MLF1: variants seen among roughly 807,000 people sequenced by gnomAD.
MLF1 encodes the protein myelodysplasia-myeloid leukemia factor 1.
MLF1 carries 37 observed loss-of-function variants against 38.3 expected under a neutral mutation model. That is an observed-to-expected ratio of 0.96 (90% confidence interval 0.74 to 1.27). The LOEUF (loss-of-function observed/expected upper bound fraction) is 1.27, where lower values mean the gene tolerates loss of function less well. MLF1 is among the 50% of genes most tolerant of loss of function. MLF1 has a pLI of 0.00. For missense variants in MLF1, 331 were observed against 349.2 expected, an observed-to-expected ratio of 0.95 and a Z score of 0.42; for synonymous variants, 95 against 106.5, an observed-to-expected ratio of 0.89 and a Z score of 0.66.
At chr3:158,596,605 A>G (rs767870054) in intron 3 of MLF1, among the ~76,000 whole-genome samples, 31 of 152,190 alleles carry the variant, frequency 2.0e-4, no homozygotes, top group Non-Finnish European at 4.3e-4. Context: ...TTATATATAC[A>G]TGCACATATA....
At chr3:158,596,540 C>T (rs1408975109) in intron 3 of MLF1, among the ~76,000 whole-genome samples, 1 of 152,114 alleles carries the variant, frequency 6.6e-6, no homozygotes, top group African/African-American at 2.4e-5. Context: ...ATTTAACATA[C>T]ACCAAATTAT....
intron 1 of MLF1, among the ~76,000 whole-genome samples, chr3:158,573,594 A>G (rs1044199934): frequency 2.0e-5 from 3 of 152,090 alleles, no homozygotes; most frequent in African/African-American, 7.2e-5. Context: ...ACACATTGAC[A>G]TAGTCTAGTT....
intron 6 of MLF1, among the ~76,000 whole-genome samples, chr3:158,601,913 T>C (rs142532339): frequency 0.19 from 27,168 of 146,808 alleles, 2,793 homozygotes; most frequent in African/African-American, 0.28. Flanking sequence ...GCCTCCCAGG[T>C]TCACGCCATT....
intron 1 of MLF1, among the ~76,000 whole-genome samples, chr3:158,590,612 G>A (rs185096530): frequency 2.6e-5 from 4 of 152,312 alleles, no homozygotes; most frequent in Admixed American, 2.6e-4. Context: ...GAAGCATTAT[G>A]CTAAGGGAAA....
intron 1 of MLF1, among the ~76,000 whole-genome samples, chr3:158,578,946 C>T: frequency 6.6e-6 from 1 of 152,140 alleles, no homozygotes; most frequent in East Asian, 1.9e-4. Context: ...CAATGCTTTT[C>T]TGCAACATAT....
chr3:158,573,536 A>G (rs1419598303), intron 1 of MLF1: 1 of 151,454 alleles, frequency 6.6e-6, no homozygotes, highest in African/African-American at 2.4e-5. Context: ...TTTATTTTTG[A>G]GTTGTGGGAT....
chr3:158,604,699 G>A (rs1464183098), intron 7 of MLF1, among the ~76,000 whole-genome samples: 3 of 151,696 alleles, frequency 2.0e-5, no homozygotes, highest in South Asian at 4.2e-4. Context: ...TGGCTCTGTC[G>A]CCAGGCTGGA....
At chr3:158,579,574 T>C (rs1381671599) in intron 1 of MLF1, among the ~76,000 whole-genome samples, 1 of 152,192 alleles carries the variant, frequency 6.6e-6, no homozygotes, top group Admixed American at 6.5e-5. Flanking sequence ...ATTCCCCTAC[T>C]TCTATATAAA....
At position 158,605,192 on chromosome 3, in the gene MLF1, A is replaced by G; in HGVS notation, c.842A>G (p.Asn281Ser). ...ATCAAAGGCTCATCTGTGAAAAGCA[A>G]CAAAAAATAAATAGCCATGCATTTG... ...LHIKGSSVKS[N>S]KK Residue 281 changes from asparagine to serine, a missense_variant, in exon 8 of 8, where the codon AAC (asparagine) becomes AGC (serine). Coordinates refer to ENST00000466246, the MANE Select transcript of MLF1 (RefSeq NM_001369783.1). The G allele has an allele frequency of 1.2e-6, 2 of 1,612,078 alleles. No homozygotes were observed. The highest frequency in any genetic ancestry group is 1.7e-6 in the Non-Finnish European group (2 of 1,178,794).
At chr3:158,577,298 A>G (rs1311261693) in intron 1 of MLF1, among the ~76,000 whole-genome samples, 1 of 152,210 alleles carries the variant, frequency 6.6e-6, no homozygotes, top group Admixed American at 6.5e-5. Flanking sequence ...AAGGAAATAA[A>G]ACCACCTTGT....
intron 5 of MLF1, among the ~76,000 whole-genome samples, chr3:158,598,719 C>T (rs907246811): frequency 2.0e-5 from 3 of 152,048 alleles, no homozygotes; most frequent in Admixed American, 1.3e-4. Flanking sequence ...TCTTTTTAAG[C>T]GAAAATGTAC....
At position 158,605,233 on chromosome 3, in the gene MLF1, A is replaced by G. The variant is rs1720372050; in HGVS notation, c.*31A>G. 6.4e-7 allele frequency: 1 copy of G among 1,554,452 alleles called. No homozygotes were observed. The highest frequency in any genetic ancestry group is 2.3e-5 in the East Asian group (1 of 44,256). On this transcript the variant is annotated 3_prime_UTR_variant, in exon 8 of 8. Transcript: ENST00000466246. ...CATGCATTTGATTTGTTTAGTTTTG[A>G]TTGTTTTAACAGTTAGTAATGGTGC... is the stretch of plus-strand genomic sequence containing the variant.
chr3:158,598,047 A>G, intron 4 of MLF1, 33 bp from the exon 5 acceptor site: 1 of 1,605,788 alleles, frequency 6.2e-7, no homozygotes, highest in Non-Finnish European at 8.5e-7. Context: ...TTTATATTTG[A>G]CTCGACTGAA....
chr3:158,605,146 G>A lies in MLF1; in HGVS notation c.796G>A (p.Val266Ile). ...PAIEHGRRSN[V>I]LGDKLHIKGS... ...CATTGAACATGGAAGGAGATCAAAT[G>A]TTTTGGGGGACAAACTCCACATCAA... The change falls in exon 8 of 8, where the codon GTT becomes ATT. Residue 266 changes from valine (V) to isoleucine (I), a missense_variant. Coordinates refer to ENST00000466246, the MANE Select transcript of MLF1 (RefSeq NM_001369783.1). 1 of 1,613,870 alleles carries A rather than the reference G, an allele frequency of 6.2e-7. No individual in the cohort carries two copies. Among genetic ancestry groups the A allele is most frequent in the African/African-American group, 1.3e-5 (1 of 75,036 alleles).
intron 1 of MLF1, among the ~76,000 whole-genome samples, chr3:158,575,652 C>A (rs946362447): frequency 6.6e-6 from 1 of 152,084 alleles, no homozygotes. Flanking sequence ...TAAATATTAT[C>A]CCTGTTGCTA....
intron 1 of MLF1, among the ~76,000 whole-genome samples, chr3:158,580,813 G>A (rs949872241): frequency 1.4e-5 from 2 of 145,114 alleles, no homozygotes; most frequent in African/African-American, 5.0e-5. Context: ...AATTATCCAG[G>A]CATGGTAGTG....
intron 4 of MLF1, 21 bp downstream of exon 4, chr3:158,596,966 AT>A (rs770464207): frequency 1.1e-5 from 16 of 1,434,290 alleles, no homozygotes; most frequent in Non-Finnish European, 1.6e-5. Context: ...AAAACAAAGC[AT>A]TGAGAACATT....
chr3:158,591,710 A>C (rs139324640), intron 1 of MLF1, among the ~76,000 whole-genome samples: 33 of 152,272 alleles, frequency 2.2e-4, no homozygotes, highest in Admixed American at 2.1e-3. Flanking sequence ...GTAACTGTCC[A>C]ACTGGAACAA....
chr3:158,574,485 T>G (rs1715062238), intron 1 of MLF1, among the ~76,000 whole-genome samples: 1 of 126,334 alleles, frequency 7.9e-6, no homozygotes, highest in African/African-American at 3.2e-5. Context: ...CTGACCAACA[T>G]GGTGAAACCC....
Sources: gnomAD v4.1 joint callset for allele counts (sites outside exome capture counted in the v4.1 genomes callset) on GRCh38, gnomAD v4.1.1 for gene constraint, MANE v1.5 for transcripts, NCBI Gene and HGNC (gene_info 2026-07-23, HGNC 2026-07-21) for gene names.